XKRX: variants seen among roughly 807,000 people sequenced by gnomAD.
The protein encoded by XKRX is XK related X-linked, also known as XK-related protein 2.
A neutral mutation model predicts 22.4 loss-of-function variants in XKRX; 11 were observed. The observed-to-expected ratio is 0.49, with a 90% CI of 0.31 to 0.81. The LOEUF (loss-of-function observed/expected upper bound fraction) is 0.81, where lower values mean the gene tolerates loss of function less well. XKRX is among the 40% of genes least tolerant of loss of function. XKRX has a pLI of 0.05. For synonymous variants in XKRX, 114 were observed against 132.2 expected (o/e 0.86, Z 0.94); for missense variants, 320 against 336.5 (o/e 0.95, Z 0.38).
downstream of XKRX, among the ~76,000 whole-genome samples, chrX:100,908,625 T>C (rs1454642929): frequency 1.8e-5 from 2 of 112,068 alleles, no homozygotes; most frequent in African/African-American, 6.5e-5. Context: ...ATGTGTCCTC[T>C]GAAGATAGTA....
chrX:100,899,464 G>A, the XKRX span, among the ~76,000 whole-genome samples: 8 of 112,591 alleles, frequency 7.1e-5, no homozygotes, highest in African/African-American at 2.3e-4. Flanking sequence ...ACAGTGAGCC[G>A]AGATCATGCC....
upstream of XKRX, among the ~76,000 whole-genome samples, chrX:100,932,680 T>C (rs2089277867): frequency 8.9e-6 from 1 of 111,739 alleles, no homozygotes; most frequent in South Asian, 3.8e-4. Context: ...AAGGAATGGA[T>C]GTGTAAGAGG....
At chrX:100,940,040 G>T in the XKRX span, among the ~76,000 whole-genome samples, 3 of 111,855 alleles carry the variant, frequency 2.7e-5, no homozygotes, top group African/African-American at 9.7e-5. Flanking sequence ...ACATGTTTTT[G>T]TGTGTGTGAA....
the XKRX span, among the ~76,000 whole-genome samples, chrX:100,954,367 C>G: frequency 9.2e-6 from 1 of 108,819 alleles, no homozygotes; most frequent in African/African-American, 3.4e-5. Flanking sequence ...TGCAGTGAGC[C>G]AAGATTGTGC....
intron 2 of XKRX, among the ~76,000 whole-genome samples, chrX:100,918,650 C>T (rs1344422312): frequency 9.0e-6 from 1 of 111,598 alleles, no homozygotes; most frequent in Admixed American, 9.6e-5. Context: ...TCTGTTTCTT[C>T]GTCTGTAAAA....
the XKRX span, among the ~76,000 whole-genome samples, chrX:100,894,402 A>C: frequency 8.9e-6 from 1 of 112,219 alleles, no homozygotes; most frequent in Non-Finnish European, 1.9e-5. Context: ...TACCTTAATA[A>C]ACCTGAGGGT....
At chrX:100,930,238 G>A (rs1404289921), upstream of XKRX, among the ~76,000 whole-genome samples, 1 of 108,355 alleles carries the variant, frequency 9.2e-6, no homozygotes, top group Admixed American at 1.0e-4. Flanking sequence ...GCAGTGAGCT[G>A]AGATCACGCC....
chrX:100,949,122 G>T, the XKRX span, among the ~76,000 whole-genome samples: 1 of 112,156 alleles, frequency 8.9e-6, no homozygotes, highest in Admixed American at 9.5e-5. Context: ...TCACCCAGCA[G>T]CAACAAAGTG....
chrX:100,945,345 C>T, the XKRX span, among the ~76,000 whole-genome samples: 4 of 110,765 alleles, frequency 3.6e-5, no homozygotes, highest in Non-Finnish European at 7.6e-5. Context: ...TCTCAAACTT[C>T]CAAACTCAAG....
chrX:100,950,185 T>C, the XKRX span, among the ~76,000 whole-genome samples: 1 of 111,448 alleles, frequency 9.0e-6, no homozygotes, highest in Non-Finnish European at 1.9e-5. Context: ...ATAGAAAGAC[T>C]AGGGGGCTGA....
chrX:100,905,305 C>A, the XKRX span, among the ~76,000 whole-genome samples: 125 of 111,873 alleles, frequency 1.1e-3, no homozygotes, highest in Non-Finnish European at 1.9e-3. Flanking sequence ...CATAAGCACT[C>A]AACAGATGAT....
Position 100,923,011 on chromosome X carries a change from T to A in XKRX, c.386A>T (p.Gln129Leu). Reference sequence around the variant, plus strand: ...GGTGAGGCTGACATAGGGCTCCTCCTGCTCCTCTTTCTTCCACAGTGTGAG... The same window carrying A: ...GGTGAGGCTGACATAGGGCTCCTCCAGCTCCTCTTTCTTCCACAGTGTGAG... Reference protein sequence around the residue: ...KYLTLWKKEEQEEPYVSLTRK... With the variant: ...KYLTLWKKEELEEPYVSLTRK... The change falls in exon 2 of 3, where the codon CAG becomes CTG. Residue 129 changes from glutamine (Q) to leucine (L), a missense_variant. Transcript: ENST00000372956. 1 of 1,211,981 alleles carries A rather than the reference T, an allele frequency of 8.3e-7. No individual in the cohort carries two copies. The highest frequency in any genetic ancestry group is 1.1e-6 in the Non-Finnish European group (1 of 895,508).
chrX:100,928,468 T>G lies in XKRX; in HGVS notation c.-164A>C, dbSNP rs2085507987. 3 of 1,106,148 alleles carry G rather than the reference T, an allele frequency of 2.7e-6. No individual in the cohort carries two copies. The South Asian group carries it at 8.1e-5, about 30-fold the overall frequency. The allele number at this position is 1,106,148 out of a possible 1,213,427, so 91.2% of individuals were successfully genotyped here. A position where few individuals can be genotyped will look rare whatever the true frequency, so the allele number is the denominator to read the frequency against. On this transcript the variant is annotated 5_prime_UTR_variant, in exon 1 of 3. Transcript: ENST00000372956. ...CTAGTTAGAGCAAGAAACCGCTCTC[T>G]TCTAGACTCAGATTCGACTTGGAGT...
intron 2 of XKRX, among the ~76,000 whole-genome samples, chrX:100,921,246 C>T (rs2085470716): frequency 9.0e-6 from 1 of 110,972 alleles, no homozygotes; most frequent in Admixed American, 9.7e-5. Flanking sequence ...ACATGTTGGC[C>T]AGGCTGGTTT....
chrX:100,911,161 T>C, downstream of XKRX: 1 of 591,160 alleles, frequency 1.7e-6, no homozygotes. Flanking sequence ...GGATGGTTAC[T>C]AAAGTCTGCT....
chrX:100,959,091 G>A, the XKRX span, among the ~76,000 whole-genome samples: 3 of 111,301 alleles, frequency 2.7e-5, no homozygotes, highest in African/African-American at 9.8e-5. Context: ...ATACAATTGT[G>A]TATTACAAAG....
the XKRX span, among the ~76,000 whole-genome samples, chrX:100,940,705 C>G: frequency 9.0e-6 from 1 of 111,368 alleles, no homozygotes; most frequent in Non-Finnish European, 1.9e-5. Flanking sequence ...AGGCTCCAAC[C>G]CAGAAAATTT....
chrX:100,950,858 T>C, the XKRX span, among the ~76,000 whole-genome samples: 27 of 111,439 alleles, frequency 2.4e-4, no homozygotes, highest in South Asian at 0.01. Flanking sequence ...AAAATAAAAA[T>C]ACAATATATC....
chrX:100,888,536 C>T, the XKRX span: 21 of 604,795 alleles, frequency 3.5e-5, no homozygotes, highest in Middle Eastern at 5.2e-4. Context: ...CCTCAACTCT[C>T]CAATGAAGAG....
Sources: gnomAD v4.1 joint callset for allele counts (sites outside exome capture counted in the v4.1 genomes callset) on GRCh38, gnomAD v4.1.1 for gene constraint, MANE v1.5 for transcripts, NCBI Gene and HGNC (gene_info 2026-07-23, HGNC 2026-07-21) for gene names.